Variants in ELOVL5 observed in about 807,000 individuals in gnomAD.
The protein encoded by ELOVL5 is ELOVL fatty acid elongase 5.
Under a neutral mutation model 38.6 loss-of-function variants are expected in ELOVL5, and 8 were observed. The ratio of observed to expected loss-of-function variants is 0.21; its 90% CI spans 0.12 to 0.37. ELOVL5 has a LOEUF of 0.37. Ranked by LOEUF, ELOVL5 falls within the 10% of genes least tolerant of loss-of-function variation. ELOVL5 has a pLI of 1.00. For synonymous variants in ELOVL5, 127 were observed against 133.7 expected (o/e 0.95, Z 0.34); for missense variants, 280 against 367.8 (o/e 0.76, Z 1.95).
intron 2 of ELOVL5, chr6:53,293,993 T>G: frequency 1.2e-6 from 1 of 833,264 alleles, no homozygotes. Context: ...GCTGTCAATT[T>G]TAAGAAAACC....
intron 2 of ELOVL5, chr6:53,294,073 A>G: frequency 3.0e-6 from 4 of 1,344,062 alleles, no homozygotes; most frequent in Non-Finnish European, 3.9e-6. Context: ...CAATAAATAC[A>G]CACAAATCTC....
At chr6:53,318,151 C>T (rs561030502) in intron 1 of ELOVL5, among the ~76,000 whole-genome samples, 1 of 152,298 alleles carries the variant, frequency 6.6e-6, no homozygotes, top group East Asian at 1.9e-4. Context: ...TACTGCCTCC[C>T]CACGTTACAA....
At chr6:53,295,620 G>C in intron 2 of ELOVL5, 22 bp downstream of exon 2, 1 of 1,584,504 alleles carries the variant, frequency 6.3e-7, no homozygotes, top group Non-Finnish European at 8.6e-7. Context: ...CAGAAGGTAA[G>C]CAAAACCAAA....
intron 1 of ELOVL5, among the ~76,000 whole-genome samples, chr6:53,307,842 A>G (rs1392658639): frequency 6.6e-6 from 1 of 152,184 alleles, no homozygotes. Flanking sequence ...CCTGGCAACT[A>G]GCATATGATA....
chr6:53,341,732 G>A (rs1376772264), intron 1 of ELOVL5, among the ~76,000 whole-genome samples: 1 of 152,118 alleles, frequency 6.6e-6, no homozygotes, highest in East Asian at 1.9e-4. Flanking sequence ...AGGACATTTA[G>A]TCTACTAACT....
intron 3 of ELOVL5, among the ~76,000 whole-genome samples, chr6:53,278,927 T>G (rs1766247242): frequency 6.6e-6 from 1 of 152,232 alleles, no homozygotes; most frequent in African/African-American, 2.4e-5. Flanking sequence ...GTATTTAGTC[T>G]TCCACAACGT....
intron 1 of ELOVL5, among the ~76,000 whole-genome samples, chr6:53,312,597 T>C (rs1041050101): frequency 6.6e-6 from 1 of 152,228 alleles, no homozygotes; most frequent in African/African-American, 2.4e-5. Context: ...ACCGTACTAA[T>C]GTCAGTATGC....
chr6:53,310,695 C>A (rs1767794773), intron 1 of ELOVL5, among the ~76,000 whole-genome samples: 1 of 152,166 alleles, frequency 6.6e-6, no homozygotes, highest in Admixed American at 6.5e-5. Context: ...CCTGCCTTGG[C>A]CTCCCAAAGT....
At chr6:53,302,076 G>A (rs918760340) in intron 1 of ELOVL5, among the ~76,000 whole-genome samples, 31 of 152,018 alleles carry the variant, frequency 2.0e-4, no homozygotes, top group Non-Finnish European at 1.5e-5. Context: ...AGGATCCTTG[G>A]GCCTGAATTC....
intron 1 of ELOVL5, among the ~76,000 whole-genome samples, chr6:53,342,081 A>G (rs2127595219): frequency 6.6e-6 from 1 of 152,154 alleles, no homozygotes; most frequent in South Asian, 2.1e-4. Context: ...TTTTAAATGC[A>G]CCTCAGATCC....
intron 1 of ELOVL5, among the ~76,000 whole-genome samples, chr6:53,345,681 A>AT (rs1769510740): frequency 1.5e-5 from 1 of 64,770 alleles, no homozygotes. Flanking sequence ...GAGACAATAA[A>AT]TTGTTAGTCT....
At chr6:53,311,131 G>A (rs1767812396) in intron 1 of ELOVL5, among the ~76,000 whole-genome samples, 1 of 152,114 alleles carries the variant, frequency 6.6e-6, no homozygotes, top group Non-Finnish European at 1.5e-5. Flanking sequence ...GGAGAGGTAG[G>A]CAGTTACACA....
intron 1 of ELOVL5, among the ~76,000 whole-genome samples, chr6:53,319,258 G>A (rs1291984616): frequency 4.7e-5 from 5 of 105,482 alleles, no homozygotes; most frequent in Admixed American, 1.5e-4. Flanking sequence ...GCGACAGAGC[G>A]AGACTCCATC....
At chr6:53,320,383 C>T (rs1480708678) in intron 1 of ELOVL5, among the ~76,000 whole-genome samples, 1 of 151,934 alleles carries the variant, frequency 6.6e-6, no homozygotes, top group South Asian at 2.1e-4. Context: ...GTCGCCCAGG[C>T]TGGAGTGCAG....
intron 1 of ELOVL5, among the ~76,000 whole-genome samples, chr6:53,302,778 G>A (rs1175759674): frequency 1.3e-5 from 2 of 152,098 alleles, no homozygotes; most frequent in African/African-American, 4.8e-5. Context: ...TGGCTTCTAA[G>A]GCAGCAGTCA....
chr6:53,297,485 C>T (rs1367249775), intron 1 of ELOVL5, among the ~76,000 whole-genome samples: 1 of 152,162 alleles, frequency 6.6e-6, no homozygotes, highest in East Asian at 1.9e-4. Flanking sequence ...ATCTCTTTGT[C>T]CAGCGTATCC....
intron 3 of ELOVL5, among the ~76,000 whole-genome samples, chr6:53,276,722 T>G (rs1766145817): frequency 6.6e-6 from 1 of 152,110 alleles, no homozygotes; most frequent in Non-Finnish European, 1.5e-5. Context: ...CCAGTAGGTC[T>G]GGGGGCCTAG....
At chr6:53,273,116 G>T in intron 6 of ELOVL5, 104 bp downstream of exon 6, 4 of 1,209,736 alleles carry the variant, frequency 3.3e-6, no homozygotes, top group Non-Finnish European at 4.7e-6. Context: ...AATGAAAAAG[G>T]GTGGAGAAGG....
At chr6:53,294,866 T>C (rs1028416448) in intron 2 of ELOVL5, among the ~76,000 whole-genome samples, 6 of 152,176 alleles carry the variant, frequency 3.9e-5, no homozygotes, top group African/African-American at 1.4e-4. Context: ...AGGAGTAGAA[T>C]GGCTAGGCAA....
Sources: gnomAD v4.1 joint callset for allele counts (sites outside exome capture counted in the v4.1 genomes callset) on GRCh38, gnomAD v4.1.1 for gene constraint, MANE v1.5 for transcripts, NCBI Gene and HGNC (gene_info 2026-07-23, HGNC 2026-07-21) for gene names.